Variants in STPG2 observed in about 807,000 individuals in gnomAD.
STPG2 encodes sperm-tail PG-rich repeat-containing protein 2.
A neutral mutation model predicts 54.2 loss-of-function variants in STPG2; 56 were observed. That is an observed-to-expected ratio of 1.03 (90% CI 0.83 to 1.29). STPG2 has a LOEUF of 1.29. Ranked by LOEUF, STPG2 falls within the 50% of genes most tolerant of loss-of-function variation. The pLI, the probability that STPG2 is intolerant of heterozygous loss-of-function variation, is 0.00. For missense variants in STPG2, 596 were observed against 544.9 expected (o/e 1.09, Z -0.93); for synonymous variants, 200 against 181.8 (o/e 1.10, Z -0.81).
intron 8 of STPG2, among the ~76,000 whole-genome samples, chr4:97,909,863 C>T (rs1369390059): frequency 6.6e-6 from 1 of 151,966 alleles, no homozygotes; most frequent in Non-Finnish European, 1.5e-5. Flanking sequence ...AAACTTTCCC[C>T]CAGAAACAAG....
chr4:97,561,672 T>C (rs527336237), intron 10 of STPG2, among the ~76,000 whole-genome samples: 3 of 152,316 alleles, frequency 2.0e-5, no homozygotes, highest in African/African-American at 7.2e-5. Context: ...TAGCCAGTTT[T>C]CCCAGCACCA....
chr4:97,722,779 A>G (rs1724489558), intron 9 of STPG2, among the ~76,000 whole-genome samples: 1 of 147,954 alleles, frequency 6.8e-6, no homozygotes, highest in African/African-American at 2.5e-5. Context: ...TCTTTAGTCC[A>G]TATTTGAGTC....
chr4:97,565,510 C>G (rs1170204791), intron 10 of STPG2, among the ~76,000 whole-genome samples: 2 of 152,198 alleles, frequency 1.3e-5, no homozygotes, highest in South Asian at 2.1e-4. Flanking sequence ...GAAAGGCACT[C>G]TGCTTTTTAG....
At chr4:97,970,923 C>T (rs899983906) in intron 7 of STPG2, among the ~76,000 whole-genome samples, 1 of 151,986 alleles carries the variant, frequency 6.6e-6, no homozygotes, top group Admixed American at 6.6e-5. Flanking sequence ...TGACAAAGGG[C>T]TAATATCCAG....
At chr4:98,021,776 CTTCT>C (rs1384394343) in intron 5 of STPG2, among the ~76,000 whole-genome samples, 2 of 151,746 alleles carry the variant, frequency 1.3e-5, no homozygotes, top group Admixed American at 6.6e-5. Flanking sequence ...ATGTAATGGC[CTTCT>C]TTGTCTCTTT....
At chr4:98,018,298 G>A (rs1292598291) in intron 5 of STPG2, among the ~76,000 whole-genome samples, 1 of 151,994 alleles carries the variant, frequency 6.6e-6, no homozygotes, top group Non-Finnish European at 1.5e-5. Flanking sequence ...ATAGTTTGCT[G>A]AGAATGATGA....
At chr4:97,797,064 T>A (rs1343499369) in intron 9 of STPG2, among the ~76,000 whole-genome samples, 1 of 152,232 alleles carries the variant, frequency 6.6e-6, no homozygotes, top group Admixed American at 6.5e-5. Flanking sequence ...CTGAAGTTGC[T>A]TATCAGCTTA....
intron 8 of STPG2, among the ~76,000 whole-genome samples, chr4:97,873,120 C>T: frequency 6.6e-6 from 1 of 151,230 alleles, no homozygotes; most frequent in East Asian, 1.9e-4. Flanking sequence ...CTCACGTACC[C>T]ACACATACAA....
At chr4:97,892,727 G>A (rs1469363628) in intron 8 of STPG2, among the ~76,000 whole-genome samples, 1 of 152,178 alleles carries the variant, frequency 6.6e-6, no homozygotes, top group African/African-American at 2.4e-5. Context: ...ACCAACCACA[G>A]GGCTGCCTTT....
chr4:98,120,903 T>A (rs139639272), intron 3 of STPG2, among the ~76,000 whole-genome samples: 129 of 152,350 alleles, frequency 8.5e-4, no homozygotes, highest in African/African-American at 2.9e-3. Context: ...AGCAGCTCTT[T>A]AATTAGGTCC....
At chr4:97,545,498 C>A (rs1358822834) in intron 4 of STPG2, among the ~76,000 whole-genome samples, 2 of 152,074 alleles carry the variant, frequency 1.3e-5, no homozygotes, top group Non-Finnish European at 1.5e-5. Context: ...CCCTCAACCC[C>A]CCTGGTGATG....
chr4:97,906,706 T>G (rs573296665), intron 8 of STPG2, among the ~76,000 whole-genome samples: 47 of 151,874 alleles, frequency 3.1e-4, no homozygotes, highest in African/African-American at 1.1e-3. Flanking sequence ...GCAAGGCTGG[T>G]TCAATATACA....
chr4:97,591,109 A>C (rs1733134627), intron 10 of STPG2, among the ~76,000 whole-genome samples: 1 of 152,204 alleles, frequency 6.6e-6, no homozygotes. Flanking sequence ...AAAAATAGTT[A>C]AAAGACAGAA....
intron 4 of STPG2, among the ~76,000 whole-genome samples, chr4:97,549,446 TA>T (rs1178856866): frequency 1.3e-5 from 2 of 152,140 alleles, no homozygotes; most frequent in African/African-American, 2.4e-5. Context: ...GGCCTGTAAA[TA>T]GATTTGGAGT....
intron 5 of STPG2, among the ~76,000 whole-genome samples, chr4:98,087,622 G>A (rs1177561924): frequency 2.8e-5 from 4 of 144,970 alleles, no homozygotes; most frequent in Admixed American, 1.4e-4. Flanking sequence ...ATGCAGTGCC[G>A]CAATCTCGGC....
In STPG2 at chr4:97,482,872, C is replaced by G. The variant is rs556716481; in HGVS notation, c.462+229827G>C. 2.6e-5 allele frequency among the ~76,000 whole-genome samples: 4 copies of G among 151,766 alleles called. No individual in the cohort carries two copies. In the South Asian group the frequency reaches 6.2e-4, roughly 24 times the overall value. The stretch of plus-strand genomic sequence containing the variant: ...AACAGCAGATTTATCAGCAGAAACC[C>G]TACAAGCTAGAAGGGATTGGGGTCC... On this transcript the variant is annotated intron_variant, in intron 4 of 4. Coordinates refer to the STPG2 transcript ENST00000522676.
At chr4:97,855,114 G>C (rs1391295658) in intron 8 of STPG2, among the ~76,000 whole-genome samples, 1 of 152,092 alleles carries the variant, frequency 6.6e-6, no homozygotes, top group Admixed American at 6.6e-5. Flanking sequence ...TGTACTCCAT[G>C]GTGTATATGT....
chr4:97,716,026 C>T (rs1335967295), intron 9 of STPG2, among the ~76,000 whole-genome samples: 2 of 151,920 alleles, frequency 1.3e-5, no homozygotes, highest in South Asian at 2.1e-4. Context: ...AAAAGGTTGG[C>T]GAAGGATATG....
chr4:97,609,179 T>C (rs1733672490), intron 10 of STPG2, among the ~76,000 whole-genome samples: 1 of 152,058 alleles, frequency 6.6e-6, no homozygotes, highest in African/African-American at 2.4e-5. Context: ...AAGGGAATAT[T>C]GTTGCTGATT....
Sources: allele counts gnomAD v4.1 joint callset (sites outside exome capture counted in the v4.1 genomes callset), GRCh38; gene constraint gnomAD v4.1.1; transcripts MANE v1.5; gene names NCBI Gene and HGNC (gene_info 2026-07-23, HGNC 2026-07-21).